The following DSCAML1 variants were observed in gnomAD, a reference collection of about 807,000 sequenced individuals.
The protein encoded by DSCAML1 is cell adhesion molecule DSCAML1.
In DSCAML1, 38 loss-of-function variants were observed where a neutral mutation model predicts 200.5. That is an observed-to-expected ratio of 0.19 (90% CI 0.15 to 0.25). The LOEUF (loss-of-function observed/expected upper bound fraction) is 0.25, where lower values mean the gene tolerates loss of function less well. DSCAML1 is among the 10% of genes least tolerant of loss of function. DSCAML1 has a pLI of 1.00. For missense variants in DSCAML1, 2,223 were observed against 2,858.8 expected (o/e 0.78, Z 5.07); for synonymous variants, 1,215 against 1,165.0 (o/e 1.04, Z -0.87).
At chr11:117,646,434 C>T (rs2052524017) in intron 3 of DSCAML1, among the ~76,000 whole-genome samples, 1 of 152,076 alleles carries the variant, frequency 6.6e-6, no homozygotes, top group South Asian at 2.1e-4. Context: ...CTGCTGGGAT[C>T]CCCCCCAAGT....
chr11:117,619,387 G>A (rs895906296), intron 3 of DSCAML1, among the ~76,000 whole-genome samples: 4 of 152,256 alleles, frequency 2.6e-5, no homozygotes, highest in Non-Finnish European at 5.9e-5. Flanking sequence ...CCTGGCCTCA[G>A]GAGGTTTGCC....
intron 3 of DSCAML1, among the ~76,000 whole-genome samples, chr11:117,683,660 T>G (rs1849846878): frequency 6.6e-6 from 1 of 152,200 alleles, no homozygotes. Context: ...TCGGGCCAAA[T>G]GCCTGGGCTC....
At chr11:117,796,992 G>A (rs778850259) in intron 1 of DSCAML1, 42 bp downstream of exon 1, 145 of 1,329,832 alleles carry the variant, frequency 1.1e-4, no homozygotes, top group Middle Eastern at 4.0e-4. Context: ...CGCCACCCTG[G>A]CCCCGCCGCC....
In DSCAML1 at chr11:117,458,770, G is replaced by C. The variant is rs1404989720; in HGVS notation, c.3552C>G (p.Ile1184Met). 1 of 1,613,424 alleles carries C rather than the reference G, an allele frequency of 6.2e-7. No homozygotes were observed. The highest frequency in any genetic ancestry group is 1.7e-5 in the Admixed American group (1 of 60,010). The change falls in exon 19 of 33, where the codon ATC becomes ATG. Residue 1184 changes from isoleucine (I) to methionine (M), a missense_variant. Around this residue, in one of 7 missense-constraint regions of DSCAML1, gnomAD observed 438 missense variants for 629.7 expected, o/e 0.70. Coordinates refer to ENST00000651296, the MANE Select transcript of DSCAML1 (RefSeq NM_020693.4). ...GDGVRSSVLY[I>M]QTKEDVPGPP... The stretch of plus-strand genomic sequence containing the variant: ...TGGACTCACCGTCCTCCTTGGTCTG[G>C]ATGTAGAGCACACTGCTGCGTACGC...
At chr11:117,441,301 C>G (rs1037301782) in intron 21 of DSCAML1, among the ~76,000 whole-genome samples, 5 of 152,218 alleles carry the variant, frequency 3.3e-5, no homozygotes, top group Non-Finnish European at 7.3e-5. Context: ...GCAGCCACAG[C>G]TGTAGCTAGA....
chr11:117,771,969 G>A (rs532764095), intron 3 of DSCAML1, among the ~76,000 whole-genome samples: 289 of 152,118 alleles, frequency 1.9e-3, no homozygotes, highest in Middle Eastern at 6.8e-3. Flanking sequence ...ACCCTCCTGC[G>A]GCAGACAGAT....
chr11:117,586,251 C>T (rs1481441286), intron 3 of DSCAML1, among the ~76,000 whole-genome samples: 3 of 151,922 alleles, frequency 2.0e-5, no homozygotes, highest in African/African-American at 7.3e-5. Flanking sequence ...ATCTTAACCC[C>T]CTCCTCCAGC....
intron 19 of DSCAML1, among the ~76,000 whole-genome samples, chr11:117,451,233 T>A (rs1439450014): frequency 6.6e-6 from 1 of 152,188 alleles, no homozygotes; most frequent in Non-Finnish European, 1.5e-5. Flanking sequence ...CTAAGTGGAT[T>A]CCAACTCTTA....
chr11:117,696,911 T>G (rs2137734136), intron 3 of DSCAML1, among the ~76,000 whole-genome samples: 1 of 152,370 alleles, frequency 6.6e-6, no homozygotes, highest in South Asian at 2.1e-4. Context: ...CCTTGTCATC[T>G]GAGGCAGCTG....
intron 3 of DSCAML1, among the ~76,000 whole-genome samples, chr11:117,723,872 C>A (rs1244473255): frequency 1.3e-5 from 2 of 152,232 alleles, no homozygotes; most frequent in African/African-American, 4.8e-5. Context: ...GGCTCAACCA[C>A]GTCGTCTCCT....
intron 3 of DSCAML1, among the ~76,000 whole-genome samples, chr11:117,543,942 G>A (rs1382647782): frequency 6.6e-6 from 1 of 152,142 alleles, no homozygotes; most frequent in African/African-American, 2.4e-5. Context: ...CCTTCCTGAA[G>A]CAGGAAAACC....
In DSCAML1 at chr11:117,780,228, A is replaced by AAAGG. The variant is rs1565280602; in HGVS notation, c.364+261_364+264dup. On this transcript the variant is annotated intron_variant, in intron 2 of 32. Transcript: ENST00000651296. This position sits in a 1 kb window ranked among gnomAD's most constrained non-coding sequence, Gnocchi z 4.8. Reference sequence around the variant, plus strand: ...AAGAAAGAGAGAGAGAGAAAGAAAGAAAGGAAAGAAAGAAAGAAAGAAAGA... The same window carrying AAAGG: ...AAGAAAGAGAGAGAGAGAAAGAAAGAAAGGAAGGAAAGAAAGAAAGAAAGAAAGA... Among the ~76,000 whole-genome samples, 5 of 113,210 alleles carry AAAGG rather than the reference A, an allele frequency of 4.4e-5. 1 individual carries two copies. In the East Asian group the frequency reaches 6.7e-4, roughly 15 times the overall value. 74.3% of individuals were successfully genotyped at this position (113,210 alleles called of 152,430 possible).
intron 3 of DSCAML1, among the ~76,000 whole-genome samples, chr11:117,570,433 G>A (rs1383378552): frequency 2.6e-5 from 4 of 152,128 alleles, no homozygotes; most frequent in Non-Finnish European, 2.9e-5. Context: ...CTCACCATTT[G>A]AAGTTCTCTT....
rs573647644 is a variant in DSCAML1 at position 117,618,034 on chromosome 11, A to G, written c.512-85512T>C. Among the ~76,000 whole-genome samples the G allele has an allele frequency of 7.1e-4, 108 of 152,270 alleles. 1 individual carries two copies. Among genetic ancestry groups the G allele is most frequent in the African/African-American group, 2.5e-3 (104 of 41,560 alleles). On this transcript the variant is annotated intron_variant, in intron 3 of 32. Transcript: ENST00000651296. ...CTCTCCCTCTCCCTCTCTCTCATCT[A>G]TGCTACCTTTGATCTCAACAATACC...
At chr11:117,815,176 T>G (rs1565297439) in intron 1 of DSCAML1, among the ~76,000 whole-genome samples, 1 of 152,176 alleles carries the variant, frequency 6.6e-6, no homozygotes, top group Admixed American at 6.5e-5. Flanking sequence ...TGTATCCAGC[T>G]TTTCTCTAAG....
At chr11:117,594,706 C>T (rs1250767333) in intron 3 of DSCAML1, among the ~76,000 whole-genome samples, 2 of 152,218 alleles carry the variant, frequency 1.3e-5, no homozygotes, top group Non-Finnish European at 2.9e-5. Flanking sequence ...GGCCAGGCTA[C>T]TCAGGCTCCT....
Position 117,428,038 on chromosome 11 carries a change from C to T in DSCAML1, c.*290G>A, listed in dbSNP as rs573797178. 1.4e-3 allele frequency: 374 copies of T among 258,124 alleles called. No homozygotes were observed. Among genetic ancestry groups the T allele is most frequent in the Non-Finnish European group, 1.8e-3 (254 of 138,068 alleles). The allele number at this position is 258,124 out of a possible 1,614,324, so 16.0% of individuals were successfully genotyped here. On this transcript the variant is annotated 3_prime_UTR_variant, in exon 33 of 33. Transcript: ENST00000651296. Reference sequence around the variant, plus strand: ...TATATAGATATATAGCTCGTGGACGCGTTCCTGTCTGTCTATATATGTATA... The same window carrying T: ...TATATAGATATATAGCTCGTGGACGTGTTCCTGTCTGTCTATATATGTATA...
At position 117,521,350 on chromosome 11, in the gene DSCAML1, C is replaced by T. The variant is rs145566851; in HGVS notation, c.993G>A (p.Thr331=). 16 of 1,614,132 alleles carry T rather than the reference C, an allele frequency of 9.9e-6. No homozygotes were observed. In the African/African-American group the frequency reaches 1.1e-4, roughly 11 times the overall value. The part of the protein sequence containing the change: ...PKKLKTGIGS[T]VILSCALTGS... ...CCGTCAGGGCACAGGAGAGGATGAC[C>T]GTGCTGCCAATGCCGGTCTTCAGCT... is the stretch of plus-strand genomic sequence containing the variant. The change falls in exon 6 of 33, where the codon ACG becomes ACA. Residue 331 remains threonine (T), a synonymous_variant. Coordinates refer to ENST00000651296, the MANE Select transcript of DSCAML1 (RefSeq NM_020693.4).
chr11:117,739,479 G>A (rs1188177546), intron 3 of DSCAML1, among the ~76,000 whole-genome samples: 5 of 152,242 alleles, frequency 3.3e-5, no homozygotes, highest in African/African-American at 1.2e-4. Flanking sequence ...AGATAAAACA[G>A]ATAAAAGGAC....
Sources: gnomAD v4.1 joint callset for allele counts (sites outside exome capture counted in the v4.1 genomes callset) on GRCh38, gnomAD v4.1.1 for gene constraint, gnomAD v4.1.1 regional missense constraint, Gnocchi (gnomAD v3.1) non-coding constraint, MANE v1.5 for transcripts, NCBI Gene and HGNC (gene_info 2026-07-23, HGNC 2026-07-21) for gene names.